The following PIK3R1 variants were observed in gnomAD, a reference collection of about 807,000 sequenced individuals.
The protein encoded by PIK3R1 is phosphatidylinositol 3-kinase regulatory subunit alpha.
In PIK3R1, 29 loss-of-function variants were observed where a neutral mutation model predicts 98.0. The ratio of observed to expected loss-of-function variants is 0.30; its 90% CI spans 0.22 to 0.40. PIK3R1 has a LOEUF of 0.40. Ranked by LOEUF, PIK3R1 falls within the 10% of genes least tolerant of loss-of-function variation. The probability of loss-of-function intolerance (pLI) is 1.00; values close to 1 mark genes in which losing one functional copy is unlikely to be tolerated. For synonymous variants in PIK3R1, 282 were observed against 311.8 expected, an observed-to-expected ratio of 0.90 and a Z score of 1.01; for missense variants, 596 against 872.7, an observed-to-expected ratio of 0.68 and a Z score of 3.99.
In PIK3R1 at chr5:68,297,462, A is replaced by T. The variant is rs755734874; in HGVS notation, c.2036A>T (p.Tyr679Phe). The change falls in exon 16 of 16, where the codon TAT becomes TTT. Residue 679 changes from tyrosine (Y) to phenylalanine (F), a missense_variant. Tyr to Phe is a conservative substitution (Grantham distance 22, BLOSUM62 3). Around this residue, in one of 3 missense-constraint regions of PIK3R1, gnomAD observed 207 missense variants for 361.4 expected, o/e 0.57. Transcript: ENST00000521381. ...GTCATAAACAAAACAGCAACTGGCT[A>T]TGGCTTTGCCGAGCCCTATAACTTG... is the stretch of plus-strand genomic sequence containing the variant. ...HCVINKTATG[Y>F]GFAEPYNLYS... 5 of 1,614,176 alleles carry T rather than the reference A, an allele frequency of 3.1e-6. No individual in the cohort carries two copies. In the East Asian group the frequency reaches 1.1e-4, roughly 36 times the overall value.
chr5:68,263,313 T>G (rs1300793786), intron 2 of PIK3R1, among the ~76,000 whole-genome samples: 1 of 33,626 alleles, frequency 3.0e-5, no homozygotes, highest in Non-Finnish European at 5.2e-5. Flanking sequence ...TTTTGTGTGT[T>G]GTTGTTTTTT....
intron 7 of PIK3R1, among the ~76,000 whole-genome samples, chr5:68,289,890 T>C (rs562506822): frequency 6.6e-6 from 1 of 152,056 alleles, no homozygotes; most frequent in Admixed American, 6.6e-5. Context: ...CATTCTGATC[T>C]ATAGCCTCTT....
chr5:68,291,600 G>A (rs1483475937), intron 7 of PIK3R1: 2 of 152,140 alleles, frequency 1.3e-5, no homozygotes, highest in Admixed American at 1.3e-4. Flanking sequence ...ATTGAGGAAG[G>A]GGGATATCAT....
Position 68,226,872 on chromosome 5 carries a change from G to C in PIK3R1, c.197G>C (p.Arg66Thr). The C allele has an allele frequency of 6.2e-7, 1 of 1,614,096 alleles. No individual in the cohort carries two copies. The highest frequency in any genetic ancestry group is 1.1e-5 in the South Asian group (1 of 91,074). ...LNGYNETTGE[R>T]GDFPGTYVEY... ...GGCTATAATGAAACCACAGGGGAAA[G>C]GGGGGACTTTCCGGGAACTTACGTA... is the stretch of plus-strand genomic sequence containing the variant. Residue 66 changes from arginine to threonine, a missense_variant, in exon 2 of 16, where the codon AGG becomes ACG. Transcript: ENST00000521381.
intron 7 of PIK3R1, among the ~76,000 whole-genome samples, chr5:68,290,129 A>G (rs1747307836): frequency 6.6e-6 from 1 of 152,218 alleles, no homozygotes; most frequent in East Asian, 1.9e-4. Flanking sequence ...AATGTGGTAC[A>G]TTTGTGACAG....
At chr5:68,231,555 A>C (rs1218803319) in intron 2 of PIK3R1, among the ~76,000 whole-genome samples, 1 of 152,210 alleles carries the variant, frequency 6.6e-6, no homozygotes, top group Non-Finnish European at 1.5e-5. Flanking sequence ...CTGTCCAGAA[A>C]GCAGGGCTGC....
chr5:68,222,513 G>A (rs1413069560), intron 1 of PIK3R1, among the ~76,000 whole-genome samples: 1 of 152,220 alleles, frequency 6.6e-6, no homozygotes, highest in African/African-American at 2.4e-5. Flanking sequence ...GATTCCAGAA[G>A]TGGGCAGCCT....
In PIK3R1 at chr5:68,297,619, C is replaced by G. The variant is rs1488616073; in HGVS notation, c.*18C>G. On this transcript the variant is annotated 3_prime_UTR_variant, in exon 16 of 16. Coordinates refer to ENST00000521381, the MANE Select transcript of PIK3R1 (RefSeq NM_181523.3). ...GGCGATGAAGCGCTTACTCTTTGAT[C>G]CTTCTCCTGAAGTTCAGCCACCCTG... 1.2e-6 allele frequency: 2 copies of G among 1,609,110 alleles called. No homozygotes were observed. Among genetic ancestry groups the G allele is most frequent in the Admixed American group, 3.4e-5 (2 of 59,644 alleles).
intron 4 of PIK3R1, among the ~76,000 whole-genome samples, 163 bp downstream of exon 4, chr5:68,274,176 C>A (rs1439518937): frequency 1.3e-5 from 2 of 152,194 alleles, no homozygotes; most frequent in African/African-American, 4.8e-5. Context: ...GGTAACAGTG[C>A]AAACCTTTGA....
intron 7 of PIK3R1, among the ~76,000 whole-genome samples, chr5:68,287,196 ATGTTT>A (rs1424130977): frequency 6.6e-6 from 1 of 152,204 alleles, no homozygotes; most frequent in Admixed American, 6.5e-5. Context: ...AGGGAATGAA[ATGTTT>A]TGTTTTAATT....
At position 68,222,111 on chromosome 5, in the gene PIK3R1, A is replaced by T. The variant is rs555248690; in HGVS notation, c.-386-4179A>T. ...ATAAAAAGCCTTTGCTATGTGAATA[A>T]TCATGTCAGAACTGGGTAAAAATAG... is the stretch of plus-strand genomic sequence containing the variant. On this transcript the variant is annotated intron_variant, in intron 1 of 15. Transcript: ENST00000521381. Among the ~76,000 whole-genome samples, 280 of 152,370 alleles carry T rather than the reference A, an allele frequency of 1.8e-3. 1 individual carries two copies. Among genetic ancestry groups the T allele is most frequent in the African/African-American group, 6.3e-3 (263 of 41,580 alleles).
rs58796984 is a variant in PIK3R1 at position 68,279,495 on chromosome 5, ATT to A, written c.503-93_503-92del. 147,809 of 659,462 alleles carry A rather than the reference ATT, an allele frequency of 0.22. 5,301 individuals carry two copies. The highest frequency in any genetic ancestry group is 0.23 in the Non-Finnish European group (93,580 of 402,928). The allele number at this position is 659,462 out of a possible 1,614,324, so 40.9% of individuals were successfully genotyped here. Reference sequence around the variant, plus strand: ...GTATTTATCCTCATATTGCTTCCTTATTTTTTTTTTTTTTTGTCACATGTGAG... The same window carrying A: ...GTATTTATCCTCATATTGCTTCCTTATTTTTTTTTTTTTGTCACATGTGAG... On this transcript the variant is annotated intron_variant, in intron 4 of 15. Transcript: ENST00000521381.
intron 7 of PIK3R1, among the ~76,000 whole-genome samples, chr5:68,283,395 A>T (rs34308): frequency 6.6e-6 from 1 of 152,142 alleles, no homozygotes. Context: ...AGGTGGGAGT[A>T]CACATACTCT....
chr5:68,274,539 A>G (rs1746495155), intron 4 of PIK3R1, among the ~76,000 whole-genome samples: 2 of 151,590 alleles, frequency 1.3e-5, no homozygotes, highest in Admixed American at 6.6e-5. Flanking sequence ...CGATATTGTT[A>G]TGTTCAGTGG....
intron 2 of PIK3R1, among the ~76,000 whole-genome samples, chr5:68,241,594 C>G (rs906536338): frequency 1.3e-5 from 2 of 152,206 alleles, no homozygotes; most frequent in Non-Finnish European, 2.9e-5. Context: ...GCTCTACCTA[C>G]CTAATCTCAC....
intron 8 of PIK3R1, chr5:68,292,737 A>T: frequency 7.8e-7 from 1 of 1,276,062 alleles, no homozygotes; most frequent in Non-Finnish European, 1.0e-6. Context: ...AAGGTTGGAG[A>T]AACTCTTTTG....
At chr5:68,224,397 C>T (rs1014785866) in intron 1 of PIK3R1, among the ~76,000 whole-genome samples, 1 of 152,288 alleles carries the variant, frequency 6.6e-6, no homozygotes, top group South Asian at 2.1e-4. Context: ...AACTGAAATG[C>T]GAAGTAGAGT....
intron 7 of PIK3R1, among the ~76,000 whole-genome samples, chr5:68,285,540 T>G (rs1048134045): frequency 6.6e-6 from 1 of 152,252 alleles, no homozygotes; most frequent in African/African-American, 2.4e-5. Context: ...CAAGCCACAC[T>G]AGGTTTTGTC....
intron 11 of PIK3R1, among the ~76,000 whole-genome samples, chr5:68,294,190 C>T (rs1747558703): frequency 6.6e-6 from 1 of 152,114 alleles, no homozygotes; most frequent in South Asian, 2.1e-4. Flanking sequence ...TATATCCTAC[C>T]ATGAAAAGGA....
Sources: allele counts gnomAD v4.1 joint callset (sites outside exome capture counted in the v4.1 genomes callset), GRCh38; gene constraint gnomAD v4.1.1; regional missense constraint gnomAD v4.1.1; transcripts MANE v1.5; gene names NCBI Gene and HGNC (gene_info 2026-07-23, HGNC 2026-07-21).